Variants in CNTN4 observed in about 807,000 individuals in gnomAD.
CNTN4 encodes contactin-4.
CNTN4 carries 77 observed loss-of-function variants against 122.5 expected under a neutral mutation model. The observed-to-expected ratio is 0.63, with a 90% CI of 0.52 to 0.76. CNTN4 has a LOEUF of 0.76. CNTN4 is among the 30% of genes least tolerant of loss of function. The pLI is 0.00. For synonymous variants in CNTN4, 512 were observed against 447.0 expected (o/e 1.15, Z -1.83); for missense variants, 1,256 against 1,259.1 (o/e 1.00, Z 0.04).
intron 2 of CNTN4, among the ~76,000 whole-genome samples, chr3:2,298,884 CAT>C (rs1370617798): frequency 6.6e-6 from 1 of 152,144 alleles, no homozygotes; most frequent in South Asian, 2.1e-4. Flanking sequence ...GGCTTTGTAA[CAT>C]GTGAAACACT....
intron 2 of CNTN4, among the ~76,000 whole-genome samples, chr3:2,226,666 A>G (rs1317311555): frequency 6.6e-6 from 1 of 152,198 alleles, no homozygotes; most frequent in Non-Finnish European, 1.5e-5. Flanking sequence ...GGATAGGGCT[A>G]TTAAGTTCTT....
At chr3:2,730,164 A>G (rs1393284077) in intron 4 of CNTN4, among the ~76,000 whole-genome samples, 2 of 152,164 alleles carry the variant, frequency 1.3e-5, no homozygotes, top group Admixed American at 1.3e-4. Flanking sequence ...ATTTGCATAT[A>G]TATAATGAGA....
intron 3 of CNTN4, among the ~76,000 whole-genome samples, chr3:2,426,035 T>G (rs1575603171): frequency 6.6e-6 from 1 of 152,188 alleles, no homozygotes; most frequent in African/African-American, 2.4e-5. Flanking sequence ...TGACTTCCTC[T>G]TTTCCTAATT....
chr3:2,648,338 C>T (rs951489863), intron 4 of CNTN4, among the ~76,000 whole-genome samples: 1 of 152,062 alleles, frequency 6.6e-6, no homozygotes, highest in African/African-American at 2.4e-5. Context: ...TTTTTGCAAA[C>T]TGAAGGTTTG....
chr3:2,920,337 A>G (rs943531291), intron 12 of CNTN4, among the ~76,000 whole-genome samples: 2 of 51,896 alleles, frequency 3.9e-5, no homozygotes, highest in African/African-American at 1.4e-4. Context: ...GTGAAGGGGA[A>G]GCAAGAGGAA....
intron 8 of CNTN4, among the ~76,000 whole-genome samples, chr3:2,872,462 GT>G (rs760336904): frequency 1.1e-4 from 16 of 148,004 alleles, no homozygotes; most frequent in Non-Finnish European, 1.8e-4. Flanking sequence ...GGTTTGGAAG[GT>G]TTTTTTTTTG....
At chr3:2,276,305 T>C (rs902132906) in intron 2 of CNTN4, among the ~76,000 whole-genome samples, 2 of 152,008 alleles carry the variant, frequency 1.3e-5, no homozygotes, top group African/African-American at 4.8e-5. Context: ...CCCGAGTAGG[T>C]AGGATTACAG....
chr3:2,121,856 T>G (rs1378254547), intron 2 of CNTN4, among the ~76,000 whole-genome samples: 1 of 151,442 alleles, frequency 6.6e-6, no homozygotes. Context: ...TCCATTTCAG[T>G]TTGCCATTGT....
At chr3:2,702,029 C>A (rs973693291) in intron 4 of CNTN4, among the ~76,000 whole-genome samples, 1 of 152,172 alleles carries the variant, frequency 6.6e-6, no homozygotes, top group Non-Finnish European at 1.5e-5. Flanking sequence ...TATTAGGCAA[C>A]AATAAGATCA....
chr3:2,888,445 G>C (rs907745360), intron 10 of CNTN4, among the ~76,000 whole-genome samples: 5 of 151,918 alleles, frequency 3.3e-5, no homozygotes, highest in Non-Finnish European at 7.4e-5. Context: ...ACACAGAATG[G>C]TTCTGTCATT....
intron 3 of CNTN4, among the ~76,000 whole-genome samples, chr3:2,496,711 A>T (rs1467729470): frequency 6.6e-6 from 1 of 152,222 alleles, no homozygotes; most frequent in East Asian, 1.9e-4. Flanking sequence ...TCACTAAGGA[A>T]GGTCCAGGAA....
chr3:2,504,958 G>A (rs2076694310), intron 3 of CNTN4, among the ~76,000 whole-genome samples: 2 of 152,076 alleles, frequency 1.3e-5, no homozygotes, highest in Non-Finnish European at 2.9e-5. Flanking sequence ...TTAGATCTTG[G>A]GTCACAGAAA....
intron 5 of CNTN4, among the ~76,000 whole-genome samples, chr3:2,739,272 T>C (rs1021081389): frequency 3.3e-5 from 5 of 152,134 alleles, no homozygotes; most frequent in East Asian, 1.9e-4. Flanking sequence ...GAACCCTTGA[T>C]TGAACACTGC....
At chr3:2,993,510 G>A (rs1695238559) in intron 14 of CNTN4, among the ~76,000 whole-genome samples, 1 of 151,738 alleles carries the variant, frequency 6.6e-6, no homozygotes, top group Admixed American at 6.6e-5. Context: ...TGTTGGTCAA[G>A]GCTGGTTTCG....
At position 3,047,700 on chromosome 3, in the gene CNTN4, A is replaced by G. The variant is rs551923651; in HGVS notation, c.2811+3996A>G. 8.6e-5 allele frequency among the ~76,000 whole-genome samples: 13 copies of G among 150,634 alleles called. No individual in the cohort carries two copies. In the East Asian group the frequency reaches 2.5e-3, roughly 29 times the overall value. ...GGAAAGATCTAAAATTGACACCCTA[A>G]CATCACAATTAAAAGAACTAGAGAA... On this transcript the variant is annotated intron_variant, in intron 23 of 24. Coordinates refer to ENST00000418658, the MANE Select transcript of CNTN4 (RefSeq NM_175607.3).
At chr3:2,276,007 C>G (rs2041495832) in intron 2 of CNTN4, among the ~76,000 whole-genome samples, 2 of 150,212 alleles carry the variant, frequency 1.3e-5, no homozygotes, top group African/African-American at 4.9e-5. Context: ...ATTGGTAATT[C>G]TAACAACTGA....
intron 2 of CNTN4, among the ~76,000 whole-genome samples, chr3:2,327,906 C>A (rs1046900993): frequency 6.6e-6 from 1 of 152,184 alleles, no homozygotes; most frequent in African/African-American, 2.4e-5. Flanking sequence ...GCAGACCATA[C>A]AAACTAGAAA....
At chr3:2,573,160 G>C (rs532459804) in intron 4 of CNTN4, among the ~76,000 whole-genome samples, 21 of 152,286 alleles carry the variant, frequency 1.4e-4, no homozygotes, top group Non-Finnish European at 2.5e-4. Context: ...TAGTTGTCTT[G>C]AGGATTTGGC....
chr3:3,040,788 G>A (rs1414887594), intron 20 of CNTN4, among the ~76,000 whole-genome samples: 1 of 152,104 alleles, frequency 6.6e-6, no homozygotes, highest in Non-Finnish European at 1.5e-5. Context: ...TTAGCCAGTT[G>A]TAGTGGCACA....
Sources: allele counts gnomAD v4.1 joint callset (sites outside exome capture counted in the v4.1 genomes callset), GRCh38; gene constraint gnomAD v4.1.1; transcripts MANE v1.5; gene names NCBI Gene and HGNC (gene_info 2026-07-23, HGNC 2026-07-21).